MAPK8: variants seen among roughly 807,000 people sequenced by gnomAD.
MAPK8 encodes the protein JUN N-terminal kinase.
A neutral mutation model predicts 52.9 loss-of-function variants in MAPK8; 13 were observed. The observed-to-expected ratio is 0.25, with a 90% CI of 0.16 to 0.39. The LOEUF is 0.39. Among genes scored for constraint, MAPK8 ranks in the 10% least tolerant of loss-of-function variants. The probability of loss-of-function intolerance (pLI) is 1.00; values close to 1 mark genes in which losing one functional copy is unlikely to be tolerated. For synonymous variants in MAPK8, 191 were observed against 169.8 expected (o/e 1.12, Z -0.97); for missense variants, 300 against 519.2 (o/e 0.58, Z 4.10).
chr10:48,337,775 G>A (rs896480504), intron 1 of MAPK8, among the ~76,000 whole-genome samples: 6 of 152,030 alleles, frequency 3.9e-5, no homozygotes, highest in Non-Finnish European at 8.8e-5. Context: ...TCATTACAGT[G>A]GATACCATAG....
chr10:48,313,847 C>T lies in MAPK8; in HGVS notation c.-50+7026C>T, dbSNP rs117979279. ...CTCAGCTCACTGCCACCTCTGCCTC[C>T]GAGGTTCAGGTGATTCTCCTGCCTC... is the stretch of plus-strand genomic sequence containing the variant. On this transcript the variant is annotated intron_variant, in intron 1 of 11. Coordinates refer to ENST00000374189, the MANE Select transcript of MAPK8 (RefSeq NM_001323329.2). Among the ~76,000 whole-genome samples, 1,334 of 152,286 alleles carry T rather than the reference C, an allele frequency of 8.8e-3. 10 individuals carry two copies. Among genetic ancestry groups the T allele is most frequent in the Non-Finnish European group, 0.015 (1,002 of 68,022 alleles).
intron 1 of MAPK8, among the ~76,000 whole-genome samples, chr10:48,377,457 A>C (rs1408249217): frequency 1.3e-5 from 2 of 152,188 alleles, no homozygotes; most frequent in African/African-American, 2.4e-5. Flanking sequence ...GAACCCTTCA[A>C]CTTTTAGTTG....
In MAPK8 at chr10:48,357,741, T is replaced by G. The variant is rs552605209; in HGVS notation, c.-49-43871T>G. 3.9e-5 allele frequency among the ~76,000 whole-genome samples: 6 copies of G among 152,296 alleles called. No homozygotes were observed. The East Asian group carries it at 1.2e-3, about 29-fold the overall frequency. On this transcript the variant is annotated intron_variant, in intron 1 of 11. Coordinates refer to ENST00000374189, the MANE Select transcript of MAPK8 (RefSeq NM_001323329.2). ...TTTTAATTATAAAATACACGTAACA[T>G]AAATTTATTATTTGTTTAGTACATT...
chr10:48,365,477 T>C (rs539399514), intron 1 of MAPK8, among the ~76,000 whole-genome samples: 49 of 152,318 alleles, frequency 3.2e-4, no homozygotes, highest in African/African-American at 1.1e-3. Context: ...TTCGTATGCA[T>C]TGACTAGATT....
At chr10:48,419,608 G>T (rs1269368185) in intron 5 of MAPK8, among the ~76,000 whole-genome samples, 2 of 152,160 alleles carry the variant, frequency 1.3e-5, no homozygotes, top group African/African-American at 4.8e-5. Flanking sequence ...GTGACTTCAG[G>T]TGGGAAATCA....
In MAPK8 at chr10:48,333,995, C is replaced by G. The variant is rs183844778; in HGVS notation, c.-50+27174C>G. ...CTGCTGGATGGCTCCACCCACCACCCGCTGAGCTGGCCCCACTTGGGGCTG... is the reference window on the plus strand; with the variant it reads ...CTGCTGGATGGCTCCACCCACCACCGGCTGAGCTGGCCCCACTTGGGGCTG... On this transcript the variant is annotated intron_variant, in intron 1 of 11. Transcript: ENST00000374189. Among the ~76,000 whole-genome samples the G allele has an allele frequency of 8.0e-3, 1,212 of 152,078 alleles. 13 individuals carry two copies. The highest frequency in any genetic ancestry group is 0.028 in the African/African-American group (1,162 of 41,488).
intron 6 of MAPK8, among the ~76,000 whole-genome samples, chr10:48,421,824 A>T (rs1222379365): frequency 6.6e-6 from 1 of 152,096 alleles, no homozygotes; most frequent in East Asian, 1.9e-4. Flanking sequence ...ATAGAATAAA[A>T]AATGAACTGA....
At position 48,437,566 on chromosome 10, in the gene MAPK8, A is replaced by G. The variant is rs577888702; in HGVS notation, c.*2537A>G. Reference sequence around the variant, plus strand: ...CTGTACCAATGTCTTCCTGGTTACTATTCTCTTCCCTCTAATATATACTGG... The same window carrying G: ...CTGTACCAATGTCTTCCTGGTTACTGTTCTCTTCCCTCTAATATATACTGG... On this transcript the variant is annotated 3_prime_UTR_variant, in exon 12 of 12. Transcript: ENST00000374189. The G allele has an allele frequency of 1.3e-5, 2 of 151,076 alleles. No individual in the cohort carries two copies. The highest frequency in any genetic ancestry group is 2.4e-5 in the African/African-American group (1 of 41,372). The allele number at this position is 151,076 out of a possible 1,614,324, so 9.4% of individuals were successfully genotyped here.
chr10:48,341,441 A>C (rs576211587), intron 1 of MAPK8, among the ~76,000 whole-genome samples: 1 of 152,334 alleles, frequency 6.6e-6, no homozygotes, highest in African/African-American at 2.4e-5. Flanking sequence ...TTATTCAAGC[A>C]TTTGGGATTT....
At chr10:48,363,803 A>T (rs1298859997) in intron 1 of MAPK8, among the ~76,000 whole-genome samples, 1 of 152,162 alleles carries the variant, frequency 6.6e-6, no homozygotes. Context: ...TAAAAACTGG[A>T]TGAGCCCTTA....
At chr10:48,315,849 T>A (rs1842447407) in intron 1 of MAPK8, among the ~76,000 whole-genome samples, 1 of 152,056 alleles carries the variant, frequency 6.6e-6, no homozygotes, top group Non-Finnish European at 1.5e-5. Context: ...TACTCTTATA[T>A]TTTTTCTTAT....
chr10:48,413,084 G>A (rs1243239676), intron 5 of MAPK8, among the ~76,000 whole-genome samples: 1 of 152,168 alleles, frequency 6.6e-6, no homozygotes, highest in African/African-American at 2.4e-5. Flanking sequence ...TTAGCATAAT[G>A]TGCTCAAGGT....
At chr10:48,432,717 G>T (rs1170804213) in intron 11 of MAPK8, among the ~76,000 whole-genome samples, 1 of 152,170 alleles carries the variant, frequency 6.6e-6, no homozygotes, top group African/African-American at 2.4e-5. Flanking sequence ...ATAATTTCAT[G>T]AGTTAGAGCA....
intron 1 of MAPK8, among the ~76,000 whole-genome samples, chr10:48,330,668 G>A (rs1003602535): frequency 1.3e-5 from 2 of 152,200 alleles, no homozygotes; most frequent in African/African-American, 2.4e-5. Context: ...GGCAGGTACA[G>A]CAGGTAATTT....
intron 1 of MAPK8, among the ~76,000 whole-genome samples, chr10:48,351,271 A>ATTTTT (rs1846295357): frequency 1.5e-5 from 1 of 65,730 alleles, no homozygotes; most frequent in Non-Finnish European, 2.8e-5. Flanking sequence ...AATAACTTTG[A>ATTTTT]ATTTTTTTTT....
chr10:48,332,193 G>C, intron 1 of MAPK8, among the ~76,000 whole-genome samples: 1 of 152,188 alleles, frequency 6.6e-6, no homozygotes, highest in East Asian at 1.9e-4. Flanking sequence ...GGTGACCTAC[G>C]ATCACCAGTA....
intron 5 of MAPK8, among the ~76,000 whole-genome samples, chr10:48,414,234 T>G (rs1194377733): frequency 1.3e-5 from 2 of 152,156 alleles, no homozygotes; most frequent in Admixed American, 1.3e-4. Flanking sequence ...ATTCATGTAT[T>G]TATTGTGTGT....
chr10:48,369,661 T>G (rs1036611169), intron 1 of MAPK8, among the ~76,000 whole-genome samples: 2 of 151,896 alleles, frequency 1.3e-5, no homozygotes, highest in African/African-American at 4.8e-5. Flanking sequence ...AAGACAGCCA[T>G]GAAGAGAATC....
intron 3 of MAPK8, among the ~76,000 whole-genome samples, chr10:48,405,528 C>G (rs1166469816): frequency 6.6e-6 from 1 of 152,112 alleles, no homozygotes; most frequent in South Asian, 2.1e-4. Flanking sequence ...GTTTCTAATT[C>G]TATTTTCTAA....
Sources: allele counts gnomAD v4.1 joint callset (sites outside exome capture counted in the v4.1 genomes callset), GRCh38; gene constraint gnomAD v4.1.1; transcripts MANE v1.5; gene names NCBI Gene and HGNC (gene_info 2026-07-23, HGNC 2026-07-21).